PIP5K1B: variants seen among roughly 807,000 people sequenced by gnomAD.
The protein encoded by PIP5K1B is phosphatidylinositol-4-phosphate 5-kinase type 1 beta.
Under a neutral mutation model 67.0 loss-of-function variants are expected in PIP5K1B, and 42 were observed. The observed-to-expected ratio is 0.63, with a 90% CI of 0.49 to 0.81. The LOEUF (loss-of-function observed/expected upper bound fraction) is 0.81, where lower values mean the gene tolerates loss of function less well. Ranked by LOEUF, PIP5K1B falls within the 30% of genes least tolerant of loss-of-function variation. PIP5K1B has a pLI of 0.00. For synonymous variants in PIP5K1B, 214 were observed against 231.4 expected (o/e 0.92, Z 0.68); for missense variants, 459 against 646.3 (o/e 0.71, Z 3.14).
Position 68,865,099 on chromosome 9 carries a change from T to A in PIP5K1B, c.200+1132T>A, listed in dbSNP as rs554642206. On this transcript the variant is annotated intron_variant, in intron 5 of 15. Transcript: ENST00000265382. ...GTCAGCTACCTCGTTTTGCTTTAAA[T>A]GCTCTTAGCTGCAGAATAAAGTTGG... 4.7e-4 allele frequency among the ~76,000 whole-genome samples: 72 copies of A among 152,318 alleles called. 1 individual carries two copies. The East Asian group carries it at 0.012, about 24-fold the overall frequency.
intron 5 of PIP5K1B, 44 bp from the exon 6 acceptor site, chr9:68,876,633 A>G (rs370092087): frequency 2.0e-4 from 209 of 1,043,590 alleles, no homozygotes; most frequent in Non-Finnish European, 2.9e-4. Context: ...TGTCCTTGCT[A>G]ATGTGTTCTT....
At chr9:68,906,229 A>C (rs535212328) in intron 8 of PIP5K1B, among the ~76,000 whole-genome samples, 1 of 152,054 alleles carries the variant, frequency 6.6e-6, no homozygotes, top group East Asian at 1.9e-4. Context: ...ATGTTGCCTA[A>C]TTTGGTCTGG....
intron 15 of PIP5K1B, among the ~76,000 whole-genome samples, chr9:68,994,799 T>C (rs1416184696): frequency 2.6e-5 from 4 of 152,128 alleles, no homozygotes; most frequent in Non-Finnish European, 5.9e-5. Context: ...CTCTCATTAA[T>C]CGTTTCCCTT....
chr9:68,873,939 C>T (rs936726277), intron 5 of PIP5K1B, among the ~76,000 whole-genome samples: 5 of 152,108 alleles, frequency 3.3e-5, no homozygotes, highest in African/African-American at 9.7e-5. Flanking sequence ...AAAACAGAAG[C>T]CATAAAATAA....
chr9:68,766,538 T>C (rs555745694), intron 2 of PIP5K1B, among the ~76,000 whole-genome samples: 1 of 152,326 alleles, frequency 6.6e-6, no homozygotes, highest in East Asian at 1.9e-4. Flanking sequence ...TTTACTGATA[T>C]GGAAAAAGTG....
chr9:68,800,118 G>C (rs1248339456), intron 2 of PIP5K1B, among the ~76,000 whole-genome samples: 1 of 152,180 alleles, frequency 6.6e-6, no homozygotes, highest in East Asian at 1.9e-4. Context: ...CATGAGCCTG[G>C]CCTTCCCATA....
At chr9:68,713,212 A>G (rs528535669) in intron 1 of PIP5K1B, among the ~76,000 whole-genome samples, 5 of 152,212 alleles carry the variant, frequency 3.3e-5, no homozygotes, top group Admixed American at 1.3e-4. Context: ...CAGCCTGGCC[A>G]ACATGGTGAA....
intron 2 of PIP5K1B, chr9:68,779,941 C>G (rs1050401883): frequency 2.0e-6 from 1 of 500,504 alleles, no homozygotes; most frequent in Non-Finnish European, 3.3e-6. Flanking sequence ...GCGGCCCGAC[C>G]ACTCCTCGCC....
At chr9:68,806,046 C>T (rs144594788) in intron 2 of PIP5K1B, among the ~76,000 whole-genome samples, 122 of 152,310 alleles carry the variant, frequency 8.0e-4, no homozygotes, top group African/African-American at 2.6e-3. Context: ...CCTTGGCTAG[C>T]CCTGACCCTA....
intron 14 of PIP5K1B, among the ~76,000 whole-genome samples, chr9:68,955,231 C>G (rs191188482): frequency 6.6e-6 from 1 of 152,308 alleles, no homozygotes; most frequent in East Asian, 1.9e-4. Flanking sequence ...ATTTGAGATG[C>G]CCATGCTTGA....
intron 15 of PIP5K1B, among the ~76,000 whole-genome samples, chr9:69,002,709 A>G (rs772719117): frequency 1.4e-4 from 22 of 152,270 alleles, no homozygotes; most frequent in East Asian, 5.8e-4. Context: ...TCAACCAGGC[A>G]TGGTGGCTCA....
At chr9:68,801,265 G>T (rs1832587594) in intron 2 of PIP5K1B, among the ~76,000 whole-genome samples, 2 of 152,286 alleles carry the variant, frequency 1.3e-5, no homozygotes, top group South Asian at 4.1e-4. Context: ...CCGGGCATGA[G>T]AGAACTTAGA....
In PIP5K1B at chr9:68,935,064, T is replaced by C. The variant is rs1181593757; in HGVS notation, c.1357+19T>C. ...GAAGAAGGTAAAGATATGTAACTTTTTTAAAAAGACAAACGTTCTTGTGAT... is the reference window on the plus strand; with the variant it reads ...GAAGAAGGTAAAGATATGTAACTTTCTTAAAAAGACAAACGTTCTTGTGAT... On this transcript the variant is annotated intron_variant, in intron 13 of 15. Transcript: ENST00000265382. The C allele has an allele frequency of 1.2e-6, 2 of 1,601,928 alleles. No individual in the cohort carries two copies. Among genetic ancestry groups the C allele is most frequent in the Non-Finnish European group, 1.7e-6 (2 of 1,173,812 alleles).
At chr9:68,822,466 T>C (rs944910579) in intron 3 of PIP5K1B, 149 bp from the exon 4 acceptor site, 5 of 547,274 alleles carry the variant, frequency 9.1e-6, no homozygotes, top group African/African-American at 1.9e-5. Flanking sequence ...TTTAGTATTC[T>C]GAAATGTTTC....
At chr9:68,946,390 G>GT (rs1166699587) in intron 14 of PIP5K1B, among the ~76,000 whole-genome samples, 1 of 148,770 alleles carries the variant, frequency 6.7e-6, no homozygotes, top group South Asian at 2.1e-4. Context: ...TTCTTTTATG[G>GT]TTTTTTGTTT....
chr9:68,870,833 T>C (rs1043504969), intron 5 of PIP5K1B, among the ~76,000 whole-genome samples: 1 of 152,088 alleles, frequency 6.6e-6, no homozygotes, highest in Non-Finnish European at 1.5e-5. Context: ...CACCCAGGAG[T>C]TGCGTAAGTA....
rs536405051 is a variant in PIP5K1B at position 68,999,502 on chromosome 9, A to G, written c.1620+8245A>G. On this transcript the variant is annotated intron_variant, in intron 15 of 15. Coordinates refer to ENST00000265382, the MANE Select transcript of PIP5K1B (RefSeq NM_003558.4). Reference sequence around the variant, plus strand: ...GGTAAATGACTATATGAACAGAGTCAGTCACCTGTTGGGGACATAATTTGT... The same window carrying G: ...GGTAAATGACTATATGAACAGAGTCGGTCACCTGTTGGGGACATAATTTGT... 2.0e-5 allele frequency among the ~76,000 whole-genome samples: 3 copies of G among 152,374 alleles called. No individual in the cohort carries two copies. The South Asian group carries it at 6.2e-4, about 32-fold the overall frequency.
At chr9:68,717,208 C>A (rs921964222) in intron 1 of PIP5K1B, among the ~76,000 whole-genome samples, 1 of 152,128 alleles carries the variant, frequency 6.6e-6, no homozygotes, top group African/African-American at 2.4e-5. Flanking sequence ...AGGTAACAAA[C>A]CTGCATGTGT....
chr9:68,743,224 T>C (rs1412475929), intron 2 of PIP5K1B, among the ~76,000 whole-genome samples: 1 of 151,594 alleles, frequency 6.6e-6, no homozygotes, highest in Non-Finnish European at 1.5e-5. Flanking sequence ...TTTTTTTTTT[T>C]CGAAACAGGG....
Sources: allele counts gnomAD v4.1 joint callset (sites outside exome capture counted in the v4.1 genomes callset), GRCh38; gene constraint gnomAD v4.1.1; transcripts MANE v1.5; gene names NCBI Gene and HGNC (gene_info 2026-07-23, HGNC 2026-07-21).